The following MTA3 variants were observed in gnomAD, a reference collection of about 807,000 sequenced individuals.
MTA3 encodes metastasis associated 1 family member 3.
Under a neutral mutation model 83.5 loss-of-function variants are expected in MTA3, and 34 were observed. The ratio of observed to expected loss-of-function variants is 0.41; its 90% confidence interval spans 0.31 to 0.54. The LOEUF is 0.54. MTA3 is among the 20% of genes least tolerant of loss of function. The pLI is 0.33. For synonymous variants in MTA3, 303 were observed against 252.7 expected (o/e 1.20, Z -1.89); for missense variants, 761 against 726.4 (o/e 1.05, Z -0.55).
intron 16 of MTA3, among the ~76,000 whole-genome samples, chr2:42,729,398 G>T (rs529259205): frequency 6.6e-6 from 1 of 152,086 alleles, no homozygotes; most frequent in Non-Finnish European, 1.5e-5. Flanking sequence ...ACTGCGCCCA[G>T]CCCAGAGTTT....
Position 42,617,263 on chromosome 2 carries a change from C to G in MTA3, c.317+7679C>G, listed in dbSNP as rs541410283. On this transcript the variant is annotated intron_variant, in intron 4 of 16. Transcript: ENST00000405094. ...CAGTCAAATTGCAATGTGTACATAC[C>G]CTTTGAGCCAGCAATTCTGCTTTTA... 2.0e-5 allele frequency among the ~76,000 whole-genome samples: 3 copies of G among 152,088 alleles called. No individual in the cohort carries two copies. The South Asian group carries it at 6.2e-4, about 32-fold the overall frequency.
chr2:42,712,552 T>C (rs1002158475), intron 14 of MTA3, among the ~76,000 whole-genome samples: 1 of 152,212 alleles, frequency 6.6e-6, no homozygotes, highest in Non-Finnish European at 1.5e-5. Context: ...AATCTTTATA[T>C]GTGAATGTAT....
intron 2 of MTA3, among the ~76,000 whole-genome samples, chr2:42,524,068 C>A (rs565756642): frequency 6.6e-6 from 1 of 152,252 alleles, no homozygotes; most frequent in East Asian, 1.9e-4. Context: ...CAATGTGTTG[C>A]CATGACCTGG....
At chr2:42,614,901 CAGG>C (rs1163980328) in intron 4 of MTA3, among the ~76,000 whole-genome samples, 7 of 150,982 alleles carry the variant, frequency 4.6e-5, no homozygotes, top group Admixed American at 1.3e-4. Flanking sequence ...TGCTTGAGCC[CAGG>C]AGTTCAAGGC....
chr2:42,548,704 G>A (rs1277473348), intron 2 of MTA3, among the ~76,000 whole-genome samples: 1 of 144,890 alleles, frequency 6.9e-6, no homozygotes, highest in Non-Finnish European at 1.5e-5. Flanking sequence ...CCAGGAGGCT[G>A]AGATGGGAGG....
In MTA3 at chr2:42,659,748, T is replaced by C. The variant is rs762294269; in HGVS notation, c.603-15T>C. On this transcript the variant is annotated splice_polypyrimidine_tract_variant and intron_variant, in intron 7 of 16. Coordinates refer to ENST00000405094, the MANE Select transcript of MTA3 (RefSeq NM_001330442.2). The stretch of plus-strand genomic sequence containing the variant: ...GATACTTAATTCTTCCTTATTGTGT[T>C]TGTGGTTTATTCAGTGCTGTTGGGA... 3.3e-6 allele frequency: 5 copies of C among 1,520,856 alleles called. No individual in the cohort carries two copies. The allele number at this position is 1,520,856 out of a possible 1,614,324, so 94.2% of individuals were successfully genotyped here. A position where few individuals can be genotyped will look rare whatever the true frequency, so the allele number is the denominator to read the frequency against.
chr2:42,657,052 T>C (rs1247163234), intron 7 of MTA3, among the ~76,000 whole-genome samples: 4 of 152,178 alleles, frequency 2.6e-5, no homozygotes, highest in African/African-American at 9.7e-5. Context: ...TTTAAATACA[T>C]TAAATGGGTA....
chr2:42,539,465 C>T lies in MTA3; in HGVS notation c.-140-30972C>T, dbSNP rs369140821. On this transcript the variant is annotated intron_variant, in intron 2 of 17. Transcript: ENST00000405592. ...AATAGCATGGGGGAAACTGCCCCCA[C>T]GATTAAATCACCTCCCACCAGGTCC... Among the ~76,000 whole-genome samples, 83 of 151,568 alleles carry T rather than the reference C, an allele frequency of 5.5e-4. 1 individual carries two copies. The South Asian group carries it at 0.016, about 29-fold the overall frequency.
At chr2:42,698,768 T>G (rs1693604794) in intron 11 of MTA3, among the ~76,000 whole-genome samples, 1 of 152,148 alleles carries the variant, frequency 6.6e-6, no homozygotes, top group Admixed American at 6.5e-5. Context: ...AGACAATGAG[T>G]TCTGATCTTT....
At chr2:42,584,483 T>TAA (rs755994843) in intron 3 of MTA3, among the ~76,000 whole-genome samples, 1 of 152,174 alleles carries the variant, frequency 6.6e-6, no homozygotes, top group Non-Finnish European at 1.5e-5. Flanking sequence ...ATTCTATATA[T>TAA]AATGCAAATA....
chr2:42,704,393 C>G, intron 12 of MTA3, 75 bp downstream of exon 12: 1 of 1,582,446 alleles, frequency 6.3e-7, no homozygotes, highest in Non-Finnish European at 8.6e-7. Context: ...CTGGGAAGTG[C>G]CTGAGGTCAG....
intron 10 of MTA3, 80 bp downstream of exon 10, chr2:42,695,919 T>A: frequency 2.2e-6 from 2 of 918,044 alleles, no homozygotes; most frequent in Non-Finnish European, 3.3e-6. Context: ...TTTGGCGATG[T>A]ACTACTTTTA....
chr2:42,585,718 C>T (rs1222603972), intron 3 of MTA3, among the ~76,000 whole-genome samples: 1 of 151,872 alleles, frequency 6.6e-6, no homozygotes, highest in Non-Finnish European at 1.5e-5. Context: ...AAGTGATCCA[C>T]CTGCCTTGGC....
chr2:42,652,153 G>T (rs1370146190), intron 6 of MTA3, among the ~76,000 whole-genome samples: 1 of 152,108 alleles, frequency 6.6e-6, no homozygotes, highest in Non-Finnish European at 1.5e-5. Context: ...GGTTAGCAAA[G>T]GTTGCATGGC....
intron 16 of MTA3, among the ~76,000 whole-genome samples, chr2:42,742,138 CTTTCT>C (rs1348890996): frequency 6.1e-4 from 91 of 150,324 alleles, no homozygotes; most frequent in African/African-American, 2.1e-3. Flanking sequence ...TTCTTTCTTT[CTTTCT>C]TTTTTTTTTT....
rs1378498420 is a variant in MTA3, at chr2:42,548,810, A to AAAAT, written c.-140-21626_-140-21625insAATA. On this transcript the variant is annotated intron_variant, in intron 2 of 17. Transcript: ENST00000405592. ...AGAGTGAGACCCTGTCTCAAAAAAA[A>AAAAT]ATATATATATATATATATAATATAT... Among the ~76,000 whole-genome samples the AAAAT allele has an allele frequency of 2.7e-4, 18 of 66,490 alleles. 2 individuals are homozygous for AAAAT. Among genetic ancestry groups the AAAAT allele is most frequent in the African/African-American group, 1.1e-3 (14 of 13,080 alleles). 43.6% of individuals were successfully genotyped at this position (66,490 alleles called of 152,430 possible). A position where few individuals can be genotyped will look rare whatever the true frequency, so the allele number is the denominator to read the frequency against.
intron 8 of MTA3, among the ~76,000 whole-genome samples, chr2:42,661,256 T>C (rs944365914): frequency 1.3e-5 from 2 of 152,030 alleles, no homozygotes; most frequent in African/African-American, 4.8e-5. Context: ...TATTTCACTT[T>C]GGGGGGCTGA....
chr2:42,696,104 A>T (rs1334138603), intron 10 of MTA3, among the ~76,000 whole-genome samples: 1 of 152,204 alleles, frequency 6.6e-6, no homozygotes, highest in Non-Finnish European at 1.5e-5. Flanking sequence ...CTGATCCTTC[A>T]TCTCTTTGTA....
intron 16 of MTA3, chr2:42,752,395 AC>A (rs1669940435): frequency 5.1e-6 from 2 of 391,542 alleles, no homozygotes; most frequent in African/African-American, 4.2e-5. Flanking sequence ...TCAGCAAACA[AC>A]CCCACTTCCC....
Sources: gnomAD v4.1 joint callset for allele counts (sites outside exome capture counted in the v4.1 genomes callset) on GRCh38, gnomAD v4.1.1 for gene constraint, MANE v1.5 for transcripts, NCBI Gene and HGNC (gene_info 2026-07-23, HGNC 2026-07-21) for gene names.